Variants in DCTN5 observed in about 807,000 individuals in gnomAD.
DCTN5 encodes dynactin 4.
Under a neutral mutation model 23.5 loss-of-function variants are expected in DCTN5, and 14 were observed. That is an observed-to-expected ratio of 0.60 (90% CI 0.39 to 0.93). The LOEUF (loss-of-function observed/expected upper bound fraction) is 0.93. Among genes scored for constraint, DCTN5 ranks in the 40% least tolerant of loss-of-function variants. The pLI is 0.00. For synonymous variants in DCTN5, 67 were observed against 79.6 expected, an observed-to-expected ratio of 0.84 and a Z score of 0.84; for missense variants, 156 against 225.9, an observed-to-expected ratio of 0.69 and a Z score of 1.98.
In DCTN5 at chr16:23,668,508, T is replaced by C. The variant is rs1375180465; in HGVS notation, c.*1364T>C. ...TGGTCCAGGCCAGGCAAGGGGCTGGTCCATGATGTCATCAGGCACCCAGGT... is the reference window on the plus strand; with the variant it reads ...TGGTCCAGGCCAGGCAAGGGGCTGGCCCATGATGTCATCAGGCACCCAGGT... On this transcript the variant is annotated 3_prime_UTR_variant, in exon 6 of 6. Transcript: ENST00000300087. 6.6e-6 allele frequency: 1 copy of C among 152,268 alleles called. No individual in the cohort carries two copies. Among genetic ancestry groups the C allele is most frequent in the Non-Finnish European group, 1.5e-5 (1 of 68,056 alleles). 9.4% of individuals were successfully genotyped at this position (152,268 alleles called of 1,614,324 possible). A position where few individuals can be genotyped will look rare whatever the true frequency, so the allele number is the denominator to read the frequency against.
intron 1 of DCTN5, among the ~76,000 whole-genome samples, chr16:23,642,184 C>G (rs550292215): frequency 3.3e-5 from 5 of 152,174 alleles, no homozygotes; most frequent in South Asian, 2.1e-4. Flanking sequence ...CGACCCGCCT[C>G]GGCCTCCCAA....
intron 2 of DCTN5, among the ~76,000 whole-genome samples, chr16:23,652,842 T>C (rs949488065): frequency 1.3e-5 from 2 of 152,212 alleles, no homozygotes; most frequent in Non-Finnish European, 2.9e-5. Context: ...ATAAAATTTA[T>C]AAAGATAAGA....
Position 23,644,795 on chromosome 16 carries a change from A to T in DCTN5, c.117+1772A>T, listed in dbSNP as rs572972040. ...CAATTTGCCATTTTAACAATTTTTT[A>T]AAAATTTTTATTATTTGAGACAGTT... is the stretch of plus-strand genomic sequence containing the variant. On this transcript the variant is annotated intron_variant, in intron 2 of 5. Transcript: ENST00000300087. Among the ~76,000 whole-genome samples the T allele has an allele frequency of 8.0e-5, 12 of 149,474 alleles. No homozygotes were observed. The South Asian group carries it at 1.5e-3, about 18-fold the overall frequency.
At chr16:23,661,595 G>A (rs1032719562) in intron 4 of DCTN5, among the ~76,000 whole-genome samples, 1 of 152,116 alleles carries the variant, frequency 6.6e-6, no homozygotes, top group Non-Finnish European at 1.5e-5. Context: ...GCGCATGCCT[G>A]TAGTCCCAGC....
chr16:23,650,949 CA>C, intron 2 of DCTN5: 1 of 1,439,914 alleles, frequency 6.9e-7, no homozygotes, highest in South Asian at 1.3e-5. Flanking sequence ...CACGTGGCAA[CA>C]ATCAGCTTTC....
intron 2 of DCTN5, among the ~76,000 whole-genome samples, chr16:23,656,175 C>T (rs1342562579): frequency 1.3e-5 from 2 of 152,148 alleles, no homozygotes; most frequent in Non-Finnish European, 2.9e-5. Flanking sequence ...TACAGTGAGC[C>T]ATGATCATGC....
At chr16:23,649,687 G>A (rs1967556088) in intron 2 of DCTN5, among the ~76,000 whole-genome samples, 1 of 151,736 alleles carries the variant, frequency 6.6e-6, no homozygotes, top group Admixed American at 6.6e-5. Flanking sequence ...ACTAAAAATA[G>A]AAAAAATTAG....
At chr16:23,653,496 CATATGGAGA>C (rs1210781571) in intron 2 of DCTN5, among the ~76,000 whole-genome samples, 1 of 152,206 alleles carries the variant, frequency 6.6e-6, no homozygotes, top group East Asian at 1.9e-4. Flanking sequence ...ACTGGCTAGC[CATATGGAGA>C]AAATTGAAAC....
rs753974560 is a variant in DCTN5, at chr16:23,673,692, C to T, written c.*6548C>T. 1 of 152,120 alleles carries T rather than the reference C, an allele frequency of 6.6e-6. No homozygotes were observed. Among genetic ancestry groups the T allele is most frequent in the Non-Finnish European group, 1.5e-5 (1 of 68,024 alleles). 9.4% of individuals were successfully genotyped at this position (152,120 alleles called of 1,614,324 possible). On this transcript the variant is annotated 3_prime_UTR_variant, in exon 6 of 6. Coordinates refer to ENST00000300087, the MANE Select transcript of DCTN5 (RefSeq NM_032486.4). ...TATGAAAGGTGTTAGTGGGATACAG[C>T]TTTCTAGTTTTTTGCCACTAGTGGA... is the stretch of plus-strand genomic sequence containing the variant.
chr16:23,643,289 T>G lies in DCTN5; in HGVS notation c.117+266T>G, dbSNP rs56776509. Among the ~76,000 whole-genome samples, 9,595 of 151,980 alleles carry G rather than the reference T, an allele frequency of 0.063. 639 individuals carry two copies. Among genetic ancestry groups the G allele is most frequent in the African/African-American group, 0.16 (6,668 of 41,436 alleles). ...TCGCTGCAACCTCCGTCTCCCAGGT[T>G]CAACCAGTTCTCCTGCCTCAGCCTC... is the stretch of plus-strand genomic sequence containing the variant. On this transcript the variant is annotated intron_variant, in intron 2 of 5. Transcript: ENST00000300087.
In DCTN5 at chr16:23,675,815, C is replaced by G. The variant is rs964332554; in HGVS notation, c.*8671C>G. 2 of 152,152 alleles carry G rather than the reference C, an allele frequency of 1.3e-5. No homozygotes were observed. The highest frequency in any genetic ancestry group is 2.4e-5 in the African/African-American group (1 of 41,430). The allele number at this position is 152,152 out of a possible 1,614,324, so 9.4% of individuals were successfully genotyped here. A position where few individuals can be genotyped will look rare whatever the true frequency, so the allele number is the denominator to read the frequency against. On this transcript the variant is annotated 3_prime_UTR_variant, in exon 6 of 6. Transcript: ENST00000300087. Reference sequence around the variant, plus strand: ...TTCTATGCTTTCCATGAAGATCTCCCACAAATGTCATCCATGCTCATGAGA... The same window carrying G: ...TTCTATGCTTTCCATGAAGATCTCCGACAAATGTCATCCATGCTCATGAGA...
At position 23,667,340 on chromosome 16, in the gene DCTN5, G is replaced by T; in HGVS notation, c.*196G>T. 1.6e-6 allele frequency: 1 copy of T among 629,848 alleles called. No homozygotes were observed. The highest frequency in any genetic ancestry group is 2.7e-6 in the Non-Finnish European group (1 of 367,340). 39.0% of individuals were successfully genotyped at this position (629,848 alleles called of 1,614,324 possible). On this transcript the variant is annotated 3_prime_UTR_variant, in exon 6 of 6. Coordinates refer to ENST00000300087, the MANE Select transcript of DCTN5 (RefSeq NM_032486.4). ...TTCACTAACAGACAGACCATCTGGAGGAGCTGTCTTCAAATGCTGTGCTTA... is the reference window on the plus strand; with the variant it reads ...TTCACTAACAGACAGACCATCTGGATGAGCTGTCTTCAAATGCTGTGCTTA...
rs1567228319 is a variant in DCTN5 at position 23,645,106 on chromosome 16, TATATATATATATATATATATA to T, written c.117+2084_117+2104del. Among the ~76,000 whole-genome samples the T allele has an allele frequency of 3.4e-3, 109 of 32,198 alleles. 4 individuals carry two copies. The highest frequency in any genetic ancestry group is 8.0e-3 in the South Asian group (9 of 1,124). The allele number at this position is 32,198 out of a possible 152,430, so 21.1% of individuals were successfully genotyped here. A position where few individuals can be genotyped will look rare whatever the true frequency, so the allele number is the denominator to read the frequency against. ...AACTATATATATATATATATATATA[TATATATATATATATATATATA>T]TATATATATATTTTTTTTTTTTTTA... On this transcript the variant is annotated intron_variant, in intron 2 of 5. Transcript: ENST00000300087.
rs1344565589 is a variant in DCTN5 at position 23,668,722 on chromosome 16, CAT to C, written c.*1579_*1580del. 2 of 152,250 alleles carry C rather than the reference CAT, an allele frequency of 1.3e-5. No homozygotes were observed. Among genetic ancestry groups the C allele is most frequent in the Non-Finnish European group, 2.9e-5 (2 of 68,054 alleles). The allele number at this position is 152,250 out of a possible 1,614,324, so 9.4% of individuals were successfully genotyped here. A position where few individuals can be genotyped will look rare whatever the true frequency, so the allele number is the denominator to read the frequency against. On this transcript the variant is annotated 3_prime_UTR_variant, in exon 6 of 6. Transcript: ENST00000300087. ...GTTGGCTTCCTTTCCTCCTGCTGCACATGAGCCTTCGCCGTGCATTTGGAGCC... is the reference window on the plus strand; with the variant it reads ...GTTGGCTTCCTTTCCTCCTGCTGCACGAGCCTTCGCCGTGCATTTGGAGCC...
At chr16:23,666,806 G>C in intron 5 of DCTN5, 1 of 558,554 alleles carries the variant, frequency 1.8e-6, no homozygotes, top group South Asian at 2.6e-5. Flanking sequence ...ACCGTGTCAT[G>C]CATCTCTGCT....
At chr16:23,642,782 C>G (rs1567227233) in intron 1 of DCTN5, 173 bp from the exon 2 acceptor site, 3 of 608,892 alleles carry the variant, frequency 4.9e-6, no homozygotes, top group Non-Finnish European at 8.8e-6. Context: ...CCACCATACT[C>G]AGCCATAGTT....
rs1207378397 is a variant in DCTN5 at position 23,675,303 on chromosome 16, C to G, written c.*8159C>G. The G allele has an allele frequency of 6.6e-6, 1 of 152,046 alleles. No individual in the cohort carries two copies. Among genetic ancestry groups the G allele is most frequent in the Non-Finnish European group, 1.5e-5 (1 of 68,028 alleles). 9.4% of individuals were successfully genotyped at this position (152,046 alleles called of 1,614,324 possible). A position where few individuals can be genotyped will look rare whatever the true frequency, so the allele number is the denominator to read the frequency against. On this transcript the variant is annotated 3_prime_UTR_variant, in exon 6 of 6. Transcript: ENST00000300087. ...ATTGCTTGAGTTCAGGAGTTCAAGACCAGCCTGGCAACATGGTGAAATCCT... is the reference window on the plus strand; with the variant it reads ...ATTGCTTGAGTTCAGGAGTTCAAGAGCAGCCTGGCAACATGGTGAAATCCT...
intron 2 of DCTN5, among the ~76,000 whole-genome samples, chr16:23,653,204 T>C (rs1275883501): frequency 6.6e-6 from 1 of 152,202 alleles, no homozygotes; most frequent in Non-Finnish European, 1.5e-5. Flanking sequence ...AATATTTGTC[T>C]TTATGCTAGA....
intron 5 of DCTN5, 110 bp from the exon 6 acceptor site, chr16:23,666,937 G>C: frequency 6.6e-7 from 1 of 1,516,716 alleles, no homozygotes; most frequent in Non-Finnish European, 8.9e-7. Context: ...GATTATTTAA[G>C]TGATTGTCAG....
Sources: allele counts gnomAD v4.1 joint callset (sites outside exome capture counted in the v4.1 genomes callset), GRCh38; gene constraint gnomAD v4.1.1; transcripts MANE v1.5; gene names NCBI Gene and HGNC (gene_info 2026-07-23, HGNC 2026-07-21).